TENM4: variants seen among roughly 807,000 people sequenced by gnomAD.
TENM4 encodes the protein teneurin transmembrane protein 4.
Under a neutral mutation model 243.3 loss-of-function variants are expected in TENM4, and 82 were observed. The observed-to-expected ratio is 0.34, with a 90% CI of 0.28 to 0.40. The LOEUF (loss-of-function observed/expected upper bound fraction) is 0.40. Ranked by LOEUF, TENM4 falls within the 10% of genes least tolerant of loss-of-function variation. The pLI is 1.00. For missense variants in TENM4, 3,138 were observed against 3,673.3 expected, an observed-to-expected ratio of 0.85 and a Z score of 3.77; for synonymous variants, 1,412 against 1,456.3, an observed-to-expected ratio of 0.97 and a Z score of 0.69.
At chr11:78,675,200 G>A (rs920623615) in intron 30 of TENM4, among the ~76,000 whole-genome samples, 24 of 152,150 alleles carry the variant, frequency 1.6e-4, no homozygotes, top group Non-Finnish European at 5.9e-5. Context: ...CTCGCTATGA[G>A]ACTCTGGAAA....
At chr11:79,332,092 G>T (rs1041648619) in intron 1 of TENM4, among the ~76,000 whole-genome samples, 12 of 152,208 alleles carry the variant, frequency 7.9e-5, no homozygotes, top group African/African-American at 2.9e-4. Context: ...AACCTGTAAA[G>T]TAGTTTTGAT....
In TENM4 at chr11:79,032,033, C is replaced by T. The variant is rs75321486; in HGVS notation, c.493+32705G>A. 7.1e-3 allele frequency among the ~76,000 whole-genome samples: 1,077 copies of T among 152,314 alleles called. 29 individuals are homozygous for T. Among genetic ancestry groups the T allele is most frequent in the East Asian group, 0.07 (364 of 5,166 alleles). ...TAGCCTATGGGAGTACCACTGCTCC[C>T]TTGATCCTGAATCTCAGGCCTCACT... On this transcript the variant is annotated intron_variant, in intron 6 of 33. Coordinates refer to ENST00000278550, the MANE Select transcript of TENM4 (RefSeq NM_001098816.3).
intron 1 of TENM4, among the ~76,000 whole-genome samples, chr11:79,317,752 G>T (rs1856826333): frequency 6.6e-6 from 1 of 152,168 alleles, no homozygotes; most frequent in South Asian, 2.1e-4. Flanking sequence ...TTCTGCCTTA[G>T]TTTCAAACGC....
intron 4 of TENM4, among the ~76,000 whole-genome samples, chr11:79,138,417 A>T (rs1379886444): frequency 1.7e-5 from 2 of 116,318 alleles, no homozygotes; most frequent in African/African-American, 7.1e-5. Flanking sequence ...TAAAATATAT[A>T]TTATATTATA....
rs192243560 is a variant in TENM4, at chr11:79,051,863, A to G, written c.493+12875T>C. ...ATTCAGCTCCCACTTATAAGTGAGA[A>G]CATGCAGTGTCTGATTTTCCATTTC... On this transcript the variant is annotated intron_variant, in intron 6 of 33. Transcript: ENST00000278550. Among the ~76,000 whole-genome samples the G allele has an allele frequency of 2.7e-3, 417 of 152,304 alleles. 1 individual carries two copies. Among genetic ancestry groups the G allele is most frequent in the African/African-American group, 9.5e-3 (395 of 41,574 alleles).
At chr11:79,038,935 C>A (rs1859450715) in intron 6 of TENM4, among the ~76,000 whole-genome samples, 1 of 152,172 alleles carries the variant, frequency 6.6e-6, no homozygotes, top group South Asian at 2.1e-4. Context: ...TGATGAAGTC[C>A]ACTGACTGCC....
chr11:78,653,854 A>G lies in TENM4; in HGVS notation c.*4204T>C, dbSNP rs1359595659. The G allele has an allele frequency of 6.6e-6, 1 of 152,300 alleles. No individual in the cohort carries two copies. Among genetic ancestry groups the G allele is most frequent in the Non-Finnish European group, 1.5e-5 (1 of 68,070 alleles). The allele number at this position is 152,300 out of a possible 1,614,324, so 9.4% of individuals were successfully genotyped here. ...GCCTTCCCACACTCTGATATTCCAC[A>G]TTCGTAATGAAACCTAAGAGTCACC... On this transcript the variant is annotated 3_prime_UTR_variant, in exon 34 of 34. Coordinates refer to ENST00000278550, the MANE Select transcript of TENM4 (RefSeq NM_001098816.3).
rs1400708439 is a variant in TENM4 at position 79,153,894 on chromosome 11, G to T, written c.-162-5088C>A. 2.6e-5 allele frequency among the ~76,000 whole-genome samples: 4 copies of T among 152,190 alleles called. No homozygotes were observed. In the East Asian group the frequency reaches 7.7e-4, roughly 29 times the overall value. ...TTCAATTCTTAGTGATCTTAGGTAA[G>T]GTAAGTCATCCATTTTGGAAGGACT... On this transcript the variant is annotated intron_variant, in intron 3 of 33. Transcript: ENST00000278550.
In TENM4 at chr11:78,846,884, A is replaced by G. The variant is rs893026333; in HGVS notation, c.1681+7220T>C. On this transcript the variant is annotated intron_variant, in intron 12 of 33. Transcript: ENST00000278550. ...CATATTCATTTCCCTTCTCTCTGAG[A>G]GAACCCTAATTTTGTTGAGAGTACC... Among the ~76,000 whole-genome samples, 5 of 152,214 alleles carry G rather than the reference A, an allele frequency of 3.3e-5. No homozygotes were observed. The East Asian group carries it at 9.6e-4, about 29-fold the overall frequency.
intron 21 of TENM4, among the ~76,000 whole-genome samples, chr11:78,730,608 C>T (rs1855639164): frequency 6.6e-6 from 1 of 152,154 alleles, no homozygotes; most frequent in Non-Finnish European, 1.5e-5. Context: ...TAAATGAATG[C>T]CAGCATGCCC....
intron 6 of TENM4, among the ~76,000 whole-genome samples, chr11:78,945,319 T>C (rs904393787): frequency 5.3e-5 from 8 of 152,228 alleles, no homozygotes; most frequent in Admixed American, 4.6e-4. Context: ...ATCTCTGTTA[T>C]GGTGATCTGT....
chr11:79,245,392 C>T (rs539305093), intron 2 of TENM4, among the ~76,000 whole-genome samples: 1 of 152,324 alleles, frequency 6.6e-6, no homozygotes, highest in East Asian at 1.9e-4. Flanking sequence ...CATCAAAATA[C>T]ATTTTTTCAT....
At chr11:79,281,359 T>C (rs993047955) in intron 2 of TENM4, among the ~76,000 whole-genome samples, 5 of 152,226 alleles carry the variant, frequency 3.3e-5, no homozygotes, top group Non-Finnish European at 7.3e-5. Flanking sequence ...CAGGTCTGTG[T>C]AGCTCCCAAC....
At chr11:79,330,868 G>T (rs1269352616) in intron 1 of TENM4, among the ~76,000 whole-genome samples, 1 of 152,208 alleles carries the variant, frequency 6.6e-6, no homozygotes, top group East Asian at 1.9e-4. Flanking sequence ...CAAGGCCAAG[G>T]GCTGGCCAGT....
At chr11:79,141,327 T>A (rs1166951092) in intron 4 of TENM4, among the ~76,000 whole-genome samples, 2 of 152,052 alleles carry the variant, frequency 1.3e-5, no homozygotes, top group East Asian at 1.9e-4. Context: ...TGACACTGCA[T>A]AAATTCAAAG....
intron 4 of TENM4, among the ~76,000 whole-genome samples, chr11:79,131,032 T>C (rs1227094414): frequency 6.6e-6 from 1 of 152,062 alleles, no homozygotes; most frequent in Non-Finnish European, 1.5e-5. Context: ...TCTAGGATTA[T>C]GTTAAATGAT....
At chr11:79,290,925 G>C (rs1257437954) in intron 2 of TENM4, among the ~76,000 whole-genome samples, 1 of 152,144 alleles carries the variant, frequency 6.6e-6, no homozygotes, top group African/African-American at 2.4e-5. Context: ...CTGTTTGTTT[G>C]TAAAGGCACA....
intron 3 of TENM4, among the ~76,000 whole-genome samples, chr11:79,215,068 G>C (rs1251313063): frequency 6.6e-6 from 1 of 152,134 alleles, no homozygotes; most frequent in African/African-American, 2.4e-5. Flanking sequence ...TTCACAGTGG[G>C]CTTTCAATAA....
chr11:78,694,811 T>TTCCTCAC (rs1040605528), intron 28 of TENM4, among the ~76,000 whole-genome samples: 4 of 152,302 alleles, frequency 2.6e-5, no homozygotes, highest in African/African-American at 9.6e-5. Flanking sequence ...TCAGAAGGTT[T>TTCCTCAC]TCCTCACTCC....
Sources: allele counts gnomAD v4.1 joint callset (sites outside exome capture counted in the v4.1 genomes callset), GRCh38; gene constraint gnomAD v4.1.1; transcripts MANE v1.5; gene names NCBI Gene and HGNC (gene_info 2026-07-23, HGNC 2026-07-21).